CALN1: variants seen among roughly 807,000 people sequenced by gnomAD.
The protein encoded by CALN1 is calcium-binding protein 8.
A neutral mutation model predicts 30.6 loss-of-function variants in CALN1; 17 were observed. The ratio of observed to expected loss-of-function variants is 0.56; its 90% CI spans 0.38 to 0.83. The LOEUF is 0.83. CALN1 is among the 40% of genes least tolerant of loss of function. The probability of loss-of-function intolerance (pLI) is 0.00; values close to 1 mark genes in which losing one functional copy is unlikely to be tolerated. For missense variants in CALN1, 291 were observed against 354.9 expected (o/e 0.82, Z 1.45); for synonymous variants, 156 against 131.4 (o/e 1.19, Z -1.28).
chr7:72,209,341 T>C (rs137909381), intron 3 of CALN1, among the ~76,000 whole-genome samples: 1,330 of 4,012 alleles, frequency 0.33, 70 homozygotes, highest in East Asian at 0.5. Flanking sequence ...TCCTTCCCTC[T>C]TTCCTTCCCT....
At chr7:72,345,669 A>T (rs996077791) in intron 2 of CALN1, among the ~76,000 whole-genome samples, 5 of 152,088 alleles carry the variant, frequency 3.3e-5, no homozygotes, top group African/African-American at 1.2e-4. Context: ...CCCTAGGAGG[A>T]GGGGCACTGA....
intron 3 of CALN1, among the ~76,000 whole-genome samples, chr7:72,272,839 T>TGG (rs1302772940): frequency 6.6e-6 from 1 of 152,126 alleles, no homozygotes; most frequent in Non-Finnish European, 1.5e-5. Flanking sequence ...TAAGCTCATT[T>TGG]GGGGAACACA....
intron 2 of CALN1, among the ~76,000 whole-genome samples, chr7:72,350,706 T>A (rs1333122780): frequency 6.6e-6 from 1 of 152,048 alleles, no homozygotes; most frequent in Non-Finnish European, 1.5e-5. Context: ...AATGAAATAA[T>A]CTGTACACTA....
intron 2 of CALN1, among the ~76,000 whole-genome samples, chr7:72,349,820 T>C (rs1390652604): frequency 6.6e-6 from 1 of 152,208 alleles, no homozygotes; most frequent in African/African-American, 2.4e-5. Flanking sequence ...AAGCACCTTA[T>C]AGATTCTGGA....
At chr7:72,408,687 T>TTTTTTC (rs1806881546) in intron 1 of CALN1, among the ~76,000 whole-genome samples, 1 of 136,610 alleles carries the variant, frequency 7.3e-6, no homozygotes, top group African/African-American at 2.7e-5. Context: ...TTTTTTTTTT[T>TTTTTTC]TTTTTTTGAG....
chr7:71,846,703 C>CTATA (rs138171781), intron 5 of CALN1, among the ~76,000 whole-genome samples: 2 of 145,874 alleles, frequency 1.4e-5, no homozygotes, highest in South Asian at 4.3e-4. Context: ...TACTTGGAGG[C>CTATA]TATATATATA....
intron 2 of CALN1, among the ~76,000 whole-genome samples, chr7:72,307,787 A>T (rs1331085116): frequency 6.6e-6 from 1 of 152,060 alleles, no homozygotes; most frequent in African/African-American, 2.4e-5. Context: ...AGGACACAAG[A>T]TCATCCCAAC....
intron 5 of CALN1, among the ~76,000 whole-genome samples, chr7:71,967,017 T>C (rs1797562025): frequency 6.6e-6 from 1 of 152,194 alleles, no homozygotes. Context: ...ATGTCATTGG[T>C]TTTTATTGAG....
At chr7:72,125,903 A>G (rs540816962) in intron 3 of CALN1, among the ~76,000 whole-genome samples, 4 of 150,620 alleles carry the variant, frequency 2.7e-5, no homozygotes, top group African/African-American at 9.7e-5. Flanking sequence ...CCCGGGTTCA[A>G]GCGATTCTCC....
chr7:71,830,253 G>A (rs904170191), intron 5 of CALN1, among the ~76,000 whole-genome samples: 2 of 152,064 alleles, frequency 1.3e-5, no homozygotes, highest in Non-Finnish European at 2.9e-5. Flanking sequence ...ATGTTGGTCA[G>A]GCTGGTCTCC....
chr7:72,105,414 C>A (rs1807016964), intron 4 of CALN1, among the ~76,000 whole-genome samples: 2 of 152,200 alleles, frequency 1.3e-5, no homozygotes, highest in African/African-American at 4.8e-5. Flanking sequence ...CAGGCTCTAG[C>A]CCATGGAGGA....
chr7:72,499,828 T>C, the CALN1 span, among the ~76,000 whole-genome samples: 5 of 34,454 alleles, frequency 1.5e-4, no homozygotes, highest in Non-Finnish European at 2.0e-4. Flanking sequence ...CTTCCTTCCT[T>C]CTTTCTTTCT....
At chr7:72,107,270 T>C (rs1019092792) in intron 3 of CALN1, among the ~76,000 whole-genome samples, 2 of 152,240 alleles carry the variant, frequency 1.3e-5, no homozygotes, top group African/African-American at 4.8e-5. Flanking sequence ...AGATCCCTGC[T>C]GCTGTAGGAG....
intron 3 of CALN1, among the ~76,000 whole-genome samples, chr7:72,221,312 CTTTTTTTTTTT>C (rs1174615183): frequency 2.2e-5 from 2 of 88,968 alleles, no homozygotes; most frequent in Non-Finnish European, 4.3e-5. Flanking sequence ...GTCTTGGCTT[CTTTTTTTTTTT>C]TTTTTTTTTT....
chr7:72,146,061 C>A (rs1388692368), intron 3 of CALN1, among the ~76,000 whole-genome samples: 3 of 152,118 alleles, frequency 2.0e-5, no homozygotes, highest in Non-Finnish European at 4.4e-5. Context: ...AAAACTGGCA[C>A]AAGACAGGGA....
chr7:72,279,914 G>A (rs1797620597), intron 2 of CALN1, among the ~76,000 whole-genome samples: 1 of 152,208 alleles, frequency 6.6e-6, no homozygotes, highest in African/African-American at 2.4e-5. Context: ...ATCACAAGGA[G>A]TGGGTAGAGA....
chr7:72,159,751 T>TCACGCCACTG (rs1787966653), intron 3 of CALN1, among the ~76,000 whole-genome samples: 2 of 150,086 alleles, frequency 1.3e-5, no homozygotes, highest in African/African-American at 4.9e-5. Context: ...TGAACCAAGA[T>TCACGCCACTG]CACGCCACTG....
chr7:72,500,327 C>G, the CALN1 span, among the ~76,000 whole-genome samples: 2 of 121,594 alleles, frequency 1.6e-5, no homozygotes, highest in South Asian at 5.9e-4. Flanking sequence ...GTCGCCCAGG[C>G]TGGAGTGCAG....
intron 4 of CALN1, among the ~76,000 whole-genome samples, chr7:72,087,368 C>T (rs1805548262): frequency 1.3e-5 from 2 of 152,132 alleles, no homozygotes; most frequent in Admixed American, 1.3e-4. Flanking sequence ...CCTGTCTCTA[C>T]TAAACGTACA....
Sources: allele counts gnomAD v4.1 joint callset (sites outside exome capture counted in the v4.1 genomes callset), GRCh38; gene constraint gnomAD v4.1.1; transcripts MANE v1.5; gene names NCBI Gene and HGNC (gene_info 2026-07-23, HGNC 2026-07-21).